Variants in KIF13A observed in about 807,000 individuals in gnomAD.
KIF13A encodes the protein kinesin family member 13A, also known as kinesin-like protein KIF13A.
KIF13A carries 79 observed loss-of-function variants against 212.2 expected under a neutral mutation model. The observed-to-expected ratio is 0.37, with a 90% CI of 0.31 to 0.45. The LOEUF (loss-of-function observed/expected upper bound fraction) is 0.45. Ranked by LOEUF, KIF13A falls within the 20% of genes least tolerant of loss-of-function variation. The pLI, the probability that KIF13A is intolerant of heterozygous loss-of-function variation, is 1.00. For missense variants in KIF13A, 1,901 were observed against 2,209.0 expected (o/e 0.86, Z 2.79); for synonymous variants, 789 against 808.6 (o/e 0.98, Z 0.41).
chr6:17,853,895 CATTTATTT>C (rs148334854), intron 6 of KIF13A, among the ~76,000 whole-genome samples: 8 of 151,276 alleles, frequency 5.3e-5, no homozygotes, highest in Non-Finnish European at 7.4e-5. Flanking sequence ...GGTCATGTTC[CATTTATTT>C]ATTTATTTAT....
chr6:17,923,933 T>G (rs1016512393), intron 2 of KIF13A, among the ~76,000 whole-genome samples: 6 of 152,120 alleles, frequency 3.9e-5, no homozygotes, highest in African/African-American at 1.4e-4. Flanking sequence ...ATCAGCCCTC[T>G]CAGGTCAGGC....
At chr6:17,917,263 CAG>C (rs1561759379) in intron 2 of KIF13A, among the ~76,000 whole-genome samples, 4 of 113,980 alleles carry the variant, frequency 3.5e-5, no homozygotes, top group African/African-American at 7.1e-5. Flanking sequence ...TTTTTTGAGA[CAG>C]AGTCTCGCTC....
intron 3 of KIF13A, among the ~76,000 whole-genome samples, chr6:17,891,666 G>A (rs1407351611): frequency 1.3e-5 from 2 of 152,136 alleles, no homozygotes; most frequent in East Asian, 1.9e-4. Flanking sequence ...GCTGAGGCAG[G>A]AGGATTGCTT....
chr6:17,823,621 C>G (rs887846924), intron 16 of KIF13A, among the ~76,000 whole-genome samples: 1 of 151,906 alleles, frequency 6.6e-6, no homozygotes, highest in African/African-American at 2.4e-5. Flanking sequence ...GCATTCACCA[C>G]CACACCTGGC....
intron 4 of KIF13A, among the ~76,000 whole-genome samples, chr6:17,863,061 C>T (rs1050601080): frequency 6.6e-6 from 1 of 152,222 alleles, no homozygotes; most frequent in Non-Finnish European, 1.5e-5. Context: ...CGTGCCACTG[C>T]ACTCCAGCCT....
At chr6:17,759,616 A>G (rs187005958), downstream of KIF13A, 2 of 152,310 alleles carry the variant, frequency 1.3e-5, no homozygotes, top group African/African-American at 4.8e-5. Context: ...ATTTCCATAC[A>G]CATAATCCTT....
Position 17,919,374 on chromosome 6 carries a change from A to G in KIF13A, c.147-21194T>C, listed in dbSNP as rs1347224959. On this transcript the variant is annotated intron_variant, in intron 2 of 38. Transcript: ENST00000259711. This position sits in a 1 kb window ranked among gnomAD's most constrained non-coding sequence, Gnocchi z 4.1. ...AAATAAGACCATTGAGAGAATTTCA[A>G]AAGTTATATTAATGTCTGATCCAAC... Among the ~76,000 whole-genome samples the G allele has an allele frequency of 1.3e-5, 2 of 152,220 alleles. No individual in the cohort carries two copies. The highest frequency in any genetic ancestry group is 2.4e-5 in the African/African-American group (1 of 41,448).
At chr6:17,810,018 G>C (rs547340361) in intron 17 of KIF13A, among the ~76,000 whole-genome samples, 1 of 152,094 alleles carries the variant, frequency 6.6e-6, no homozygotes, top group African/African-American at 2.4e-5. Flanking sequence ...CTTGAGGCCA[G>C]GAGTTCAAGA....
intron 4 of KIF13A, among the ~76,000 whole-genome samples, chr6:17,862,026 G>T (rs1161225373): frequency 1.3e-5 from 2 of 151,960 alleles, no homozygotes; most frequent in African/African-American, 2.4e-5. Flanking sequence ...ATTTATTTTA[G>T]TTATTTTGGA....
intron 25 of KIF13A, among the ~76,000 whole-genome samples, chr6:17,792,666 C>T (rs1248207936): frequency 6.6e-6 from 1 of 152,158 alleles, no homozygotes; most frequent in African/African-American, 2.4e-5. Context: ...CACAGCAGCC[C>T]TGTCCTTGCA....
chr6:17,844,485 G>C (rs932651888), intron 9 of KIF13A, among the ~76,000 whole-genome samples: 1 of 152,188 alleles, frequency 6.6e-6, no homozygotes, highest in Non-Finnish European at 1.5e-5. Flanking sequence ...AAGTTTTACA[G>C]GATTTATTAC....
At position 17,794,746 on chromosome 6, in the gene KIF13A, G is replaced by C. The variant is rs1450247715; in HGVS notation, c.2943-42C>G. 1.3e-6 allele frequency: 2 copies of C among 1,585,412 alleles called. No homozygotes were observed. Among genetic ancestry groups the C allele is most frequent in the Admixed American group, 3.5e-5 (2 of 56,374 alleles). ...CAACAAGCAAGAGCGTCATCGTCCA[G>C]GGATACTGTTAGTAATAGTAATAAG... On this transcript the variant is annotated intron_variant, in intron 23 of 38. Transcript: ENST00000259711. The surrounding 1 kb of genome is among the most constrained non-coding windows in gnomAD (Gnocchi z 4.1).
rs1051761754 is a variant in KIF13A at position 17,771,598 on chromosome 6, A to G, written c.4476+310T>C. On this transcript the variant is annotated intron_variant, in intron 37 of 38. Transcript: ENST00000259711. The surrounding 1 kb of genome is among the most constrained non-coding windows in gnomAD (Gnocchi z 5.4). ...AATCAGAAATCCCCAAAAAGACAAA[A>G]AAGAAAAATAATTTTAAAAAAGGCC... 15 of 334,772 alleles carry G rather than the reference A, an allele frequency of 4.5e-5. No homozygotes were observed. The highest frequency in any genetic ancestry group is 7.6e-5 in the Non-Finnish European group (14 of 184,898). The allele number at this position is 334,772 out of a possible 1,614,324, so 20.7% of individuals were successfully genotyped here.
At chr6:17,806,208 C>T (rs1762936296) in intron 18 of KIF13A, among the ~76,000 whole-genome samples, 1 of 152,194 alleles carries the variant, frequency 6.6e-6, no homozygotes, top group African/African-American at 2.4e-5. Flanking sequence ...GCTAGGATTA[C>T]AGGCGTGAGC....
At chr6:17,779,839 C>A (rs1439395638) in intron 31 of KIF13A, among the ~76,000 whole-genome samples, 155 bp from the exon 32 acceptor site, 1 of 149,630 alleles carries the variant, frequency 6.7e-6, no homozygotes, top group Admixed American at 6.7e-5. Flanking sequence ...CCCTGGGGTT[C>A]ACACCATTCT....
At chr6:17,819,146 C>T (rs1250086614) in intron 16 of KIF13A, among the ~76,000 whole-genome samples, 1 of 151,708 alleles carries the variant, frequency 6.6e-6, no homozygotes, top group Admixed American at 6.6e-5. Context: ...ACTACAGGTG[C>T]CCACCACCAC....
rs1772869217 is a variant in KIF13A at position 17,899,480 on chromosome 6, G to T, written c.147-1300C>A. Reference sequence around the variant, plus strand: ...CACTGGGTGCGACACTCCTTACAGAGCTCTGAGGGACTCGAACAAAACTGA... The same window carrying T: ...CACTGGGTGCGACACTCCTTACAGATCTCTGAGGGACTCGAACAAAACTGA... On this transcript the variant is annotated intron_variant, in intron 2 of 38. Transcript: ENST00000259711. This position sits in a 1 kb window ranked among gnomAD's most constrained non-coding sequence, Gnocchi z 5.2. Among the ~76,000 whole-genome samples the T allele has an allele frequency of 2.6e-5, 4 of 152,144 alleles. No individual in the cohort carries two copies. The highest frequency in any genetic ancestry group is 2.0e-4 in the Admixed American group (3 of 15,280).
rs138373749 is a variant in KIF13A, at chr6:17,867,692, C to A, written c.220+5685G>T. ...AGAAAAAAGACTTCATTCAAACAGA[C>A]CACCTGAATAGTAAAATAATGAACC... On this transcript the variant is annotated intron_variant, in intron 4 of 38. Transcript: ENST00000259711. 5.6e-3 allele frequency among the ~76,000 whole-genome samples: 851 copies of A among 152,268 alleles called. 13 individuals are homozygous for A. The highest frequency in any genetic ancestry group is 0.019 in the African/African-American group (789 of 41,530).
At chr6:17,976,149 G>A (rs923682542) in intron 2 of KIF13A, among the ~76,000 whole-genome samples, 1 of 152,252 alleles carries the variant, frequency 6.6e-6, no homozygotes, top group Non-Finnish European at 1.5e-5. Context: ...ATCCCGCACC[G>A]GGGCTGCAGG....
Sources: gnomAD v4.1 joint callset for allele counts (sites outside exome capture counted in the v4.1 genomes callset) on GRCh38, gnomAD v4.1.1 for gene constraint, Gnocchi (gnomAD v3.1) non-coding constraint, MANE v1.5 for transcripts, NCBI Gene and HGNC (gene_info 2026-07-23, HGNC 2026-07-21) for gene names.